Variants in SLC8A1 observed in about 807,000 individuals in gnomAD.
SLC8A1 encodes the protein solute carrier family 8 member A1, also known as sodium/calcium exchanger 1.
SLC8A1 carries 18 observed loss-of-function variants against 68.3 expected under a neutral mutation model. The ratio of observed to expected loss-of-function variants is 0.26; its 90% CI spans 0.18 to 0.39. The LOEUF (loss-of-function observed/expected upper bound fraction) is 0.39, where lower values mean the gene tolerates loss of function less well. Among genes scored for constraint, SLC8A1 ranks in the 10% least tolerant of loss-of-function variants. The pLI, the probability that SLC8A1 is intolerant of heterozygous loss-of-function variation, is 1.00. For synonymous variants in SLC8A1, 475 were observed against 415.5 expected (o/e 1.14, Z -1.74); for missense variants, 985 against 1,156.7 (o/e 0.85, Z 2.15).
At chr2:40,147,778 A>G (rs1014342267) in intron 6 of SLC8A1, among the ~76,000 whole-genome samples, 10 of 152,236 alleles carry the variant, frequency 6.6e-5, no homozygotes, top group African/African-American at 2.4e-4. Flanking sequence ...AGAGGGGCAT[A>G]AATGCTGCCC....
intron 2 of SLC8A1, among the ~76,000 whole-genome samples, chr2:40,260,755 T>A (rs78083243): frequency 2.6e-5 from 4 of 151,902 alleles, no homozygotes; most frequent in Admixed American, 6.6e-5. Context: ...TTTTTTTTTT[T>A]AATTTAGACT....
At chr2:40,300,516 T>C (rs2071257037) in intron 2 of SLC8A1, among the ~76,000 whole-genome samples, 3 of 152,216 alleles carry the variant, frequency 2.0e-5, no homozygotes, top group South Asian at 4.1e-4. Flanking sequence ...TATTGTTTCG[T>C]GCCTCAGCGT....
intron 2 of SLC8A1, among the ~76,000 whole-genome samples, chr2:40,238,738 A>G (rs112949794): frequency 1.7e-4 from 26 of 152,324 alleles, no homozygotes; most frequent in Admixed American, 1.1e-3. Context: ...ATGAGTTTCT[A>G]TTATATAAAT....
chr2:40,511,904 T>G (rs1706752762), intron 1 of SLC8A1, among the ~76,000 whole-genome samples: 1 of 152,120 alleles, frequency 6.6e-6, no homozygotes, highest in Non-Finnish European at 1.5e-5. Context: ...TCTTCCTATG[T>G]CTAAGGAAGA....
intron 4 of SLC8A1, among the ~76,000 whole-genome samples, chr2:40,167,809 G>A (rs1284569073): frequency 6.6e-6 from 1 of 152,152 alleles, no homozygotes; most frequent in Non-Finnish European, 1.5e-5. Context: ...AATATTCGTT[G>A]TGTGTATAGA....
chr2:40,168,940 A>T (rs2047002220), intron 4 of SLC8A1, among the ~76,000 whole-genome samples: 1 of 152,246 alleles, frequency 6.6e-6, no homozygotes, highest in South Asian at 2.1e-4. Flanking sequence ...AGCCACTGCT[A>T]AAATCAATAT....
intron 2 of SLC8A1, chr2:40,210,125 G>A (rs1297976726): frequency 6.6e-6 from 1 of 152,088 alleles, no homozygotes; most frequent in African/African-American, 2.4e-5. Context: ...TCTTTGGGGA[G>A]GGTTTAAATT....
At chr2:40,344,867 C>T (rs189765925) in intron 2 of SLC8A1, among the ~76,000 whole-genome samples, 47 of 152,296 alleles carry the variant, frequency 3.1e-4, no homozygotes, top group African/African-American at 1.1e-3. Context: ...ATGGTAATCA[C>T]ATGAGATCTC....
chr2:40,401,533 A>G (rs930011876), intron 2 of SLC8A1, among the ~76,000 whole-genome samples: 2 of 148,184 alleles, frequency 1.3e-5, no homozygotes, highest in African/African-American at 5.0e-5. Flanking sequence ...CTCCTTGCAT[A>G]GTAAGGAAAC....
At chr2:40,441,113 A>G (rs1164847965) in intron 1 of SLC8A1, among the ~76,000 whole-genome samples, 1 of 152,204 alleles carries the variant, frequency 6.6e-6, no homozygotes, top group Admixed American at 6.5e-5. Context: ...AAATATCCCA[A>G]GCATTCCTAT....
chr2:40,154,484 C>CT (rs869231195), intron 6 of SLC8A1, among the ~76,000 whole-genome samples: 2 of 46,188 alleles, frequency 4.3e-5, no homozygotes, highest in African/African-American at 1.1e-4. Flanking sequence ...TTTTTCTTTT[C>CT]TTTTTTTTTT....
intron 2 of SLC8A1, among the ~76,000 whole-genome samples, chr2:40,261,967 T>C (rs924104446): frequency 1.1e-5 from 1 of 91,060 alleles, no homozygotes; most frequent in African/African-American, 4.2e-5. Context: ...GTCTTTTCAC[T>C]TTTTTTTTTT....
intron 7 of SLC8A1, among the ~76,000 whole-genome samples, chr2:40,136,074 T>C (rs2040444007): frequency 6.6e-6 from 1 of 152,120 alleles, no homozygotes; most frequent in East Asian, 1.9e-4. Flanking sequence ...GAAGTAAGCA[T>C]GGACCAAGAT....
Position 40,115,212 on chromosome 2 carries a change from A to G in SLC8A1, c.*41T>C, listed in dbSNP as rs199611406. On this transcript the variant is annotated 3_prime_UTR_variant, in exon 8 of 8. Coordinates refer to ENST00000406785, the Ensembl canonical transcript of SLC8A1. ...TCCATTATACATAATTTTTATGTAT[A>G]TATATGTATATATATAAATTTACTA... is the stretch of plus-strand genomic sequence containing the variant. 478 of 1,348,678 alleles carry G rather than the reference A, an allele frequency of 3.5e-4. 2 individuals are homozygous for G. Among genetic ancestry groups the G allele is most frequent in the Middle Eastern group, 3.0e-3 (11 of 3,698 alleles). The allele number at this position is 1,348,678 out of a possible 1,614,324, so 83.5% of individuals were successfully genotyped here.
rs1460269451 is a variant in SLC8A1 at position 40,436,954 on chromosome 2, A to G, written c.-24-6650T>C. 2.0e-5 allele frequency among the ~76,000 whole-genome samples: 3 copies of G among 152,324 alleles called. No homozygotes were observed. The East Asian group carries it at 5.8e-4, about 29-fold the overall frequency. On this transcript the variant is annotated intron_variant, in intron 1 of 7. Transcript: ENST00000406785. Reference sequence around the variant, plus strand: ...GGCCCTACTCAGGGCACTGATGGCAATAATGACTGAAATCATGGACTGAGC... The same window carrying G: ...GGCCCTACTCAGGGCACTGATGGCAGTAATGACTGAAATCATGGACTGAGC...
At chr2:40,319,527 G>C (rs976559845) in intron 2 of SLC8A1, among the ~76,000 whole-genome samples, 9 of 152,182 alleles carry the variant, frequency 5.9e-5, no homozygotes, top group African/African-American at 2.2e-4. Flanking sequence ...CTTTATCAGA[G>C]ACGTTCAAAA....
At chr2:40,437,957 T>C (rs369748582) in intron 1 of SLC8A1, among the ~76,000 whole-genome samples, 2 of 152,206 alleles carry the variant, frequency 1.3e-5, no homozygotes, top group South Asian at 4.1e-4. Flanking sequence ...TTACTAGAGA[T>C]TCACTGAAGA....
intron 2 of SLC8A1, among the ~76,000 whole-genome samples, chr2:40,243,441 C>T (rs1277100963): frequency 6.6e-6 from 1 of 151,998 alleles, no homozygotes; most frequent in Non-Finnish European, 1.5e-5. Context: ...CAAGATCACC[C>T]CACTGTACTC....
chr2:40,368,046 T>C (rs760300222), intron 2 of SLC8A1, among the ~76,000 whole-genome samples: 11 of 152,120 alleles, frequency 7.2e-5, no homozygotes, highest in Non-Finnish European at 1.3e-4. Flanking sequence ...TAATCTATCA[T>C]GCACATTTAC....
Sources: gnomAD v4.1 joint callset for allele counts (sites outside exome capture counted in the v4.1 genomes callset) on GRCh38, gnomAD v4.1.1 for gene constraint, MANE v1.5 for transcripts, NCBI Gene and HGNC (gene_info 2026-07-23, HGNC 2026-07-21) for gene names.